The following INPP4B variants were observed in gnomAD, a reference collection of about 807,000 sequenced individuals.
The protein encoded by INPP4B is inositol polyphosphate 4-phosphatase type II.
INPP4B carries 55 observed loss-of-function variants against 122.5 expected under a neutral mutation model. The observed-to-expected ratio is 0.45, with a 90% CI of 0.36 to 0.56. The LOEUF (loss-of-function observed/expected upper bound fraction) is 0.56. Among genes scored for constraint, INPP4B ranks in the 20% least tolerant of loss-of-function variants. The probability of loss-of-function intolerance (pLI) is 0.00; values close to 1 mark genes in which losing one functional copy is unlikely to be tolerated. For missense variants in INPP4B, 1,000 were observed against 1,097.7 expected, an observed-to-expected ratio of 0.91 and a Z score of 1.26; for synonymous variants, 403 against 388.7, an observed-to-expected ratio of 1.04 and a Z score of -0.43.
At chr4:142,491,555 C>T (rs1821876589) in intron 2 of INPP4B, among the ~76,000 whole-genome samples, 1 of 152,026 alleles carries the variant, frequency 6.6e-6, no homozygotes. Flanking sequence ...TACTTGGGAG[C>T]CTGAGACAGG....
chr4:142,640,490 C>A (rs1750150930), intron 2 of INPP4B, among the ~76,000 whole-genome samples: 1 of 151,672 alleles, frequency 6.6e-6, no homozygotes, highest in African/African-American at 2.4e-5. Context: ...TAAAAAATAT[C>A]TAAATATAAA....
At chr4:142,238,540 G>A (rs1485165454) in intron 11 of INPP4B, among the ~76,000 whole-genome samples, 1 of 151,992 alleles carries the variant, frequency 6.6e-6, no homozygotes, top group Non-Finnish European at 1.5e-5. Context: ...CTTACTAAAT[G>A]TTATTTCTTA....
intron 16 of INPP4B, among the ~76,000 whole-genome samples, chr4:142,164,091 T>C (rs2152920199): frequency 6.6e-6 from 1 of 151,974 alleles, no homozygotes. Flanking sequence ...TCTAGCCTTC[T>C]GACATTTTTC....
chr4:142,731,771 AG>A (rs35531661), intron 1 of INPP4B, among the ~76,000 whole-genome samples: 47,088 of 151,592 alleles, frequency 0.31, 7,491 homozygotes, highest in South Asian at 0.38. Context: ...TGAGATTTTC[AG>A]GGGAAAAAAA....
chr4:142,302,882 T>C (rs1055867831), intron 9 of INPP4B, among the ~76,000 whole-genome samples: 2 of 152,058 alleles, frequency 1.3e-5, no homozygotes, highest in Non-Finnish European at 2.9e-5. Context: ...GTAGACAATA[T>C]TATTAAAGAG....
intron 12 of INPP4B, among the ~76,000 whole-genome samples, chr4:142,229,751 T>C (rs1853332084): frequency 6.6e-6 from 1 of 152,176 alleles, no homozygotes; most frequent in African/African-American, 2.4e-5. Context: ...CTCCTAGGCA[T>C]CCAAATAATA....
intron 2 of INPP4B, among the ~76,000 whole-genome samples, chr4:142,707,155 C>A (rs1214199796): frequency 6.6e-6 from 1 of 152,212 alleles, no homozygotes; most frequent in Admixed American, 6.5e-5. Flanking sequence ...CCACTCTTGA[C>A]ATACACTCTC....
At chr4:142,678,585 A>G (rs893502766) in intron 2 of INPP4B, among the ~76,000 whole-genome samples, 17 of 151,922 alleles carry the variant, frequency 1.1e-4, no homozygotes, top group South Asian at 2.1e-4. Context: ...TGCTCCAGGA[A>G]AGACTAATTA....
chr4:142,843,585 TATG>T lies in INPP4B; in HGVS notation c.-254+2621_-254+2623del, dbSNP rs536946768. Among the ~76,000 whole-genome samples, 397 of 152,148 alleles carry T rather than the reference TATG, an allele frequency of 2.6e-3. 1 individual carries two copies. The highest frequency in any genetic ancestry group is 7.8e-3 in the African/African-American group (324 of 41,566). On this transcript the variant is annotated intron_variant, in intron 1 of 25. Transcript: ENST00000262992. Reference sequence around the variant, plus strand: ...AAAAATTTATTTTGTACAGATTAGGTATGATATTTGTATATCTAATATTAGTAC... The same window carrying T: ...AAAAATTTATTTTGTACAGATTAGGTATATTTGTATATCTAATATTAGTAC...
At chr4:142,362,452 T>TCTCTTCA (rs1785784457) in intron 7 of INPP4B, among the ~76,000 whole-genome samples, 1 of 151,956 alleles carries the variant, frequency 6.6e-6, no homozygotes, top group African/African-American at 2.4e-5. Flanking sequence ...ATCAAAATTT[T>TCTCTTCA]CAGGGAGGGT....
chr4:142,811,119 C>T (rs1561096646), intron 1 of INPP4B, among the ~76,000 whole-genome samples: 1 of 152,324 alleles, frequency 6.6e-6, no homozygotes, highest in African/African-American at 2.4e-5. Flanking sequence ...GATATTGCTG[C>T]AGCAGTAGAG....
At chr4:142,340,615 G>A (rs1439882702) in intron 7 of INPP4B, among the ~76,000 whole-genome samples, 1 of 152,024 alleles carries the variant, frequency 6.6e-6, no homozygotes, top group African/African-American at 2.4e-5. Context: ...TTCTCACTAT[G>A]TCGCCCAGGC....
At chr4:142,301,034 G>A (rs961462285) in intron 9 of INPP4B, among the ~76,000 whole-genome samples, 1 of 152,096 alleles carries the variant, frequency 6.6e-6, no homozygotes, top group Non-Finnish European at 1.5e-5. Context: ...TCTGTGACAA[G>A]GTAAAGTGCC....
chr4:142,845,680 C>T (rs1190304601), intron 1 of INPP4B, among the ~76,000 whole-genome samples: 1 of 152,122 alleles, frequency 6.6e-6, no homozygotes, highest in Non-Finnish European at 1.5e-5. Flanking sequence ...ACATCAGTCA[C>T]CCTCACTCCC....
In INPP4B at chr4:142,293,149, C is replaced by T. The variant is rs568085499; in HGVS notation, c.503+12309G>A. Among the ~76,000 whole-genome samples the T allele has an allele frequency of 4.0e-5, 6 of 151,066 alleles. No homozygotes were observed. The East Asian group carries it at 1.2e-3, about 30-fold the overall frequency. ...CACTTCCTGGGTTCAAGAGAGTCTA[C>T]TGCCTCAGCCTCCCAAGTAGCTGGG... On this transcript the variant is annotated intron_variant, in intron 9 of 25. Coordinates refer to ENST00000262992, the MANE Select transcript of INPP4B (RefSeq NM_001101669.3).
intron 1 of INPP4B, among the ~76,000 whole-genome samples, chr4:142,844,943 C>G (rs1050829250): frequency 8.5e-5 from 13 of 152,174 alleles, no homozygotes; most frequent in Admixed American, 3.9e-4. Flanking sequence ...CCTTTATAAA[C>G]AAGTTCTGTC....
At chr4:142,517,802 A>T (rs1050036160) in intron 2 of INPP4B, among the ~76,000 whole-genome samples, 2 of 152,166 alleles carry the variant, frequency 1.3e-5, no homozygotes, top group Non-Finnish European at 2.9e-5. Flanking sequence ...AATATACCTT[A>T]ATAGTGCTAA....
intron 2 of INPP4B, among the ~76,000 whole-genome samples, chr4:142,524,459 T>G (rs1826566775): frequency 6.6e-6 from 1 of 152,068 alleles, no homozygotes; most frequent in African/African-American, 2.4e-5. Flanking sequence ...TGTCTTCTTT[T>G]GAGAAGTGTC....
intron 1 of INPP4B, among the ~76,000 whole-genome samples, chr4:142,789,005 G>A (rs1452966479): frequency 2.0e-5 from 3 of 152,222 alleles, no homozygotes; most frequent in Admixed American, 2.0e-4. Flanking sequence ...CTCAATAGAT[G>A]CAGAAAAAGC....
Sources: gnomAD v4.1 joint callset for allele counts (sites outside exome capture counted in the v4.1 genomes callset) on GRCh38, gnomAD v4.1.1 for gene constraint, MANE v1.5 for transcripts, NCBI Gene and HGNC (gene_info 2026-07-23, HGNC 2026-07-21) for gene names.